The following CCDC7 variants were observed in gnomAD, a reference collection of about 807,000 sequenced individuals.
CCDC7 encodes the protein coiled-coil domain containing 7, also known as coiled-coil domain-containing protein 7.
In CCDC7, 183 loss-of-function variants were observed where a neutral mutation model predicts 196.9. The observed-to-expected ratio is 0.93, with a 90% CI of 0.82 to 1.05. CCDC7 has a LOEUF of 1.05. CCDC7 is among the 50% of genes least tolerant of loss of function. CCDC7 has a pLI of 0.00. For missense variants in CCDC7, 1,540 were observed against 1,482.2 expected (o/e 1.04, Z -0.64); for synonymous variants, 525 against 484.6 (o/e 1.08, Z -1.10).
intron 28 of CCDC7, among the ~76,000 whole-genome samples, chr10:32,753,384 TTATTAA>T (rs1183988587): frequency 6.6e-6 from 1 of 152,174 alleles, no homozygotes; most frequent in Non-Finnish European, 1.5e-5. Context: ...AAACATTTTC[TTATTAA>T]TATTTATTGA....
At chr10:32,754,799 T>A (rs969182555) in intron 28 of CCDC7, among the ~76,000 whole-genome samples, 1 of 152,024 alleles carries the variant, frequency 6.6e-6, no homozygotes, top group Non-Finnish European at 1.5e-5. Context: ...CCACAGAGTG[T>A]GAGCTGAAGC....
chr10:32,703,052 G>A (rs929832765), intron 24 of CCDC7, among the ~76,000 whole-genome samples: 1 of 152,208 alleles, frequency 6.6e-6, no homozygotes, highest in African/African-American at 2.4e-5. Context: ...ATTTGATCCT[G>A]TCATTATGAT....
chr10:32,818,114 A>G (rs1593084614), intron 31 of CCDC7, among the ~76,000 whole-genome samples: 2 of 152,332 alleles, frequency 1.3e-5, no homozygotes, highest in South Asian at 2.1e-4. Flanking sequence ...AGAGACACAC[A>G]TAGGCTCAAA....
chr10:32,451,548 T>C, upstream of CCDC7: 1 of 1,465,078 alleles, frequency 6.8e-7, no homozygotes, highest in Non-Finnish European at 9.1e-7. Context: ...GTGAATTTAA[T>C]TAGAGCCTGG....
chr10:32,544,842 C>A (rs150608219), intron 13 of CCDC7, among the ~76,000 whole-genome samples: 1 of 152,088 alleles, frequency 6.6e-6, no homozygotes, highest in African/African-American at 2.4e-5. Context: ...GCTGTTATTA[C>A]ATTTTGGCTT....
intron 28 of CCDC7, among the ~76,000 whole-genome samples, chr10:32,749,439 C>T (rs1001646890): frequency 2.0e-4 from 31 of 151,952 alleles, no homozygotes; most frequent in African/African-American, 6.5e-4. Context: ...AATATGTATA[C>T]CATAAGAGAA....
chr10:32,494,602 G>C lies in CCDC7; in HGVS notation c.872+2605G>C, dbSNP rs138011315. Among the ~76,000 whole-genome samples the C allele has an allele frequency of 5.9e-4, 90 of 152,176 alleles. 1 individual carries two copies. Among genetic ancestry groups the C allele is most frequent in the African/African-American group, 2.1e-3 (86 of 41,528 alleles). ...GATGTTCCCCTCCCTGTGTCCATGT[G>C]TTCTTATTGTTCCACTCCCACTTAT... On this transcript the variant is annotated intron_variant, in intron 9 of 41. Coordinates refer to ENST00000639629, the Ensembl canonical transcript of CCDC7.
At chr10:32,782,230 T>TG (rs1565488414) in intron 29 of CCDC7, among the ~76,000 whole-genome samples, 1 of 5,226 alleles carries the variant, frequency 1.9e-4, no homozygotes, top group African/African-American at 2.1e-4. Flanking sequence ...TTTTTTTTTG[T>TG]TTTTTTTGGT....
At chr10:32,603,585 C>CTTTT (rs34143127) in intron 18 of CCDC7, among the ~76,000 whole-genome samples, 82 of 142,868 alleles carry the variant, frequency 5.7e-4, no homozygotes, top group Non-Finnish European at 8.5e-4. Context: ...TGTGATAGTT[C>CTTTT]TTTTTTTTTT....
At chr10:32,456,324 A>T in exon 3 of CCDC7, 1 of 1,571,504 alleles carries the variant, frequency 6.4e-7, no homozygotes, top group Non-Finnish European at 8.7e-7. Context: ...GCACTTAAAG[A>T]AGAACAAAAT....
chr10:32,479,478 T>C (rs117887910), intron 8 of CCDC7, among the ~76,000 whole-genome samples: 3,815 of 152,298 alleles, frequency 0.025, 61 homozygotes, highest in Non-Finnish European at 0.041. Flanking sequence ...CATATGATTT[T>C]TGTATTTTAT....
intron 18 of CCDC7, among the ~76,000 whole-genome samples, chr10:32,607,013 G>T (rs2061621555): frequency 6.6e-6 from 1 of 152,168 alleles, no homozygotes; most frequent in African/African-American, 2.4e-5. Context: ...TGGAGATGGG[G>T]CCTGGTGGGA....
chr10:32,611,877 T>C (rs61624280), intron 18 of CCDC7, among the ~76,000 whole-genome samples: 8,071 of 152,282 alleles, frequency 0.053, 709 homozygotes, highest in African/African-American at 0.18. Context: ...CTGATCTTTT[T>C]GCTTAGGATT....
At chr10:32,585,077 ATT>A (rs201630911) in intron 18 of CCDC7, among the ~76,000 whole-genome samples, 2 of 145,596 alleles carry the variant, frequency 1.4e-5, no homozygotes, top group Non-Finnish European at 3.0e-5. Context: ...CTAAACTTAA[ATT>A]TTTTTTTTTT....
intron 13 of CCDC7, among the ~76,000 whole-genome samples, chr10:32,559,501 G>A (rs1261181593): frequency 6.6e-6 from 1 of 152,214 alleles, no homozygotes; most frequent in African/African-American, 2.4e-5. Flanking sequence ...TCAGACAGCA[G>A]CATTTGCGGT....
intron 28 of CCDC7, among the ~76,000 whole-genome samples, chr10:32,739,746 G>A (rs2085497468): frequency 2.0e-5 from 3 of 151,688 alleles, no homozygotes; most frequent in Admixed American, 2.0e-4. Flanking sequence ...ACTGAGGTAT[G>A]TAAGCATTTA....
At chr10:32,831,353 T>C (rs759875237) in intron 32 of CCDC7, among the ~76,000 whole-genome samples, 29 of 152,330 alleles carry the variant, frequency 1.9e-4, no homozygotes, top group Non-Finnish European at 3.8e-4. Context: ...TAGGACATTA[T>C]TGTACACTAC....
At chr10:32,542,490 G>A (rs780263077) in intron 11 of CCDC7, among the ~76,000 whole-genome samples, 3 of 151,960 alleles carry the variant, frequency 2.0e-5, no homozygotes, top group Admixed American at 6.6e-5. Context: ...AAAATTAGCC[G>A]GGCGTGGTGG....
intron 28 of CCDC7, among the ~76,000 whole-genome samples, chr10:32,742,442 T>C (rs1447247565): frequency 6.6e-6 from 1 of 152,216 alleles, no homozygotes; most frequent in Non-Finnish European, 1.5e-5. Flanking sequence ...ATCATTATAG[T>C]ATCGTACAGA....
Sources: gnomAD v4.1 joint callset for allele counts (sites outside exome capture counted in the v4.1 genomes callset) on GRCh38, gnomAD v4.1.1 for gene constraint, MANE v1.5 for transcripts, NCBI Gene and HGNC (gene_info 2026-07-23, HGNC 2026-07-21) for gene names.